The following GHR variants were observed in gnomAD, a reference collection of about 807,000 sequenced individuals.
The protein encoded by GHR is growth hormone receptor.
Under a neutral mutation model 67.1 loss-of-function variants are expected in GHR, and 35 were observed. The ratio of observed to expected loss-of-function variants is 0.52; its 90% CI spans 0.40 to 0.69. The LOEUF (loss-of-function observed/expected upper bound fraction) is 0.69, where lower values mean the gene tolerates loss of function less well. Among genes scored for constraint, GHR ranks in the 30% least tolerant of loss-of-function variants. The pLI is 0.00. For missense variants in GHR, 792 were observed against 764.6 expected (o/e 1.04, Z -0.42); for synonymous variants, 272 against 269.1 (o/e 1.01, Z -0.10).
chr5:42,574,247 A>G (rs538577578), intron 2 of GHR, among the ~76,000 whole-genome samples: 1 of 152,356 alleles, frequency 6.6e-6, no homozygotes, highest in East Asian at 1.9e-4. Context: ...GCCCTGTGTC[A>G]GGGCACCGTT....
intron 1 of GHR, chr5:42,467,110 G>A (rs1744765704): frequency 1.9e-6 from 3 of 1,595,658 alleles, no homozygotes; most frequent in Middle Eastern, 1.7e-4. Context: ...ACATGTGAAG[G>A]CCTTCCCACA....
Position 42,699,873 on chromosome 5 carries a change from T to A in GHR, c.489T>A (p.Ser163Arg). ...TCAACTGGACTTTACTGAACGTCAG[T>A]TTAACTGGGATTCATGCAGATATCC... Reference protein sequence around the residue: ...IALNWTLLNVSLTGIHADIQV... With the variant: ...IALNWTLLNVRLTGIHADIQV... The change falls in exon 6 of 10, where the codon AGT becomes AGA. Residue 163 changes from serine (S) to arginine (R), a missense_variant. Ser to Arg is a moderately radical substitution (Grantham distance 110). Transcript: ENST00000230882. The A allele has an allele frequency of 6.2e-7, 1 of 1,610,932 alleles. No homozygotes were observed. Among genetic ancestry groups the A allele is most frequent in the Non-Finnish European group, 8.5e-7 (1 of 1,177,140 alleles).
At chr5:42,525,370 A>G (rs911299306) in intron 1 of GHR, among the ~76,000 whole-genome samples, 13 of 152,104 alleles carry the variant, frequency 8.5e-5, no homozygotes, top group Admixed American at 7.2e-4. Flanking sequence ...ACTTGCATGG[A>G]CCCTGTAATC....
chr5:42,588,023 G>A (rs1561146903), intron 2 of GHR, among the ~76,000 whole-genome samples: 2 of 152,186 alleles, frequency 1.3e-5, no homozygotes, highest in Non-Finnish European at 2.9e-5. Flanking sequence ...AGAGGGCTGA[G>A]TCAGGGAGAC....
chr5:42,626,224 C>T (rs1191402216), intron 2 of GHR, among the ~76,000 whole-genome samples: 6 of 152,158 alleles, frequency 3.9e-5, no homozygotes, highest in Non-Finnish European at 5.9e-5. Context: ...CATCAGATAA[C>T]CACAGGTTTA....
At chr5:42,632,205 CTG>C (rs1282994224) in intron 3 of GHR, among the ~76,000 whole-genome samples, 2 of 152,154 alleles carry the variant, frequency 1.3e-5, no homozygotes, top group Non-Finnish European at 2.9e-5. Flanking sequence ...CCCAGGCACA[CTG>C]TATTTTCCCT....
At chr5:42,521,526 C>T (rs957594313) in intron 1 of GHR, among the ~76,000 whole-genome samples, 1 of 151,376 alleles carries the variant, frequency 6.6e-6, no homozygotes, top group African/African-American at 2.4e-5. Context: ...TGTAAAGCTA[C>T]TCATGCTGCA....
intron 1 of GHR, among the ~76,000 whole-genome samples, chr5:42,521,692 T>G (rs989827094): frequency 5.3e-5 from 8 of 152,228 alleles, no homozygotes; most frequent in Admixed American, 2.6e-4. Context: ...TTGATTTTTT[T>G]GCTTTGCTGG....
chr5:42,537,980 T>C (rs1748335345), intron 1 of GHR, among the ~76,000 whole-genome samples: 1 of 152,202 alleles, frequency 6.6e-6, no homozygotes, highest in South Asian at 2.1e-4. Context: ...TTGCTACCCC[T>C]GCTGGCTTTT....
chr5:42,556,956 T>C (rs1010215587), intron 1 of GHR, among the ~76,000 whole-genome samples: 2 of 152,224 alleles, frequency 1.3e-5, no homozygotes, highest in African/African-American at 4.8e-5. Context: ...TGTAACTCAG[T>C]TGCCTTTTTT....
intron 1 of GHR, among the ~76,000 whole-genome samples, chr5:42,500,901 A>G (rs1305158325): frequency 1.3e-5 from 2 of 152,234 alleles, no homozygotes; most frequent in Non-Finnish European, 2.9e-5. Flanking sequence ...GCAAAAGACA[A>G]AGATGTGTGA....
intron 2 of GHR, among the ~76,000 whole-genome samples, chr5:42,610,360 C>T (rs1042838340): frequency 6.6e-6 from 1 of 152,118 alleles, no homozygotes; most frequent in Non-Finnish European, 1.5e-5. Flanking sequence ...GTACTCCACT[C>T]TAAGAAGAAA....
At chr5:42,636,070 C>T (rs375499126) in intron 3 of GHR, among the ~76,000 whole-genome samples, 30 of 151,660 alleles carry the variant, frequency 2.0e-4, no homozygotes, top group Middle Eastern at 3.4e-3. Context: ...ATTAGCCGGG[C>T]GTGGTGGCGG....
chr5:42,474,285 A>AAAAGAG (rs1554054565), intron 1 of GHR, among the ~76,000 whole-genome samples: 9 of 28,142 alleles, frequency 3.2e-4, no homozygotes, highest in South Asian at 1.7e-3. Flanking sequence ...GAAAGAAAGA[A>AAAAGAG]AAAGAGAAAG....
intron 1 of GHR, chr5:42,466,956 C>G (rs1744758301): frequency 1.3e-6 from 2 of 1,550,326 alleles, no homozygotes; most frequent in Non-Finnish European, 1.7e-6. Context: ...CACCACACTT[C>G]TTATATTCAT....
intron 1 of GHR, among the ~76,000 whole-genome samples, chr5:42,481,074 G>C (rs1340244510): frequency 6.6e-6 from 1 of 151,936 alleles, no homozygotes; most frequent in African/African-American, 2.4e-5. Context: ...CTCTTTTAGG[G>C]CAGGCCTGGT....
chr5:42,599,977 A>G lies in GHR; in HGVS notation c.71-29061A>G, dbSNP rs555124786. 2.0e-5 allele frequency among the ~76,000 whole-genome samples: 3 copies of G among 152,208 alleles called. No individual in the cohort carries two copies. The South Asian group carries it at 6.2e-4, about 31-fold the overall frequency. The stretch of plus-strand genomic sequence containing the variant: ...TAAAAGATTAAATAACAGTTATTGC[A>G]TGCTCACCAAACCGTCACAAGGAAC... On this transcript the variant is annotated intron_variant, in intron 2 of 9. Transcript: ENST00000230882.
chr5:42,638,472 G>A (rs558513468), intron 3 of GHR, among the ~76,000 whole-genome samples: 1 of 152,244 alleles, frequency 6.6e-6, no homozygotes, highest in Admixed American at 6.5e-5. Flanking sequence ...CACAAACCTG[G>A]ATGGTACAGT....
At chr5:42,510,322 C>T (rs541485707) in intron 1 of GHR, among the ~76,000 whole-genome samples, 1 of 152,304 alleles carries the variant, frequency 6.6e-6, no homozygotes, top group African/African-American at 2.4e-5. Context: ...TCTCCCTTCA[C>T]CCCTATTTTG....
Sources: gnomAD v4.1 joint callset for allele counts (sites outside exome capture counted in the v4.1 genomes callset) on GRCh38, gnomAD v4.1.1 for gene constraint, MANE v1.5 for transcripts, NCBI Gene and HGNC (gene_info 2026-07-23, HGNC 2026-07-21) for gene names.